The following GATA6 variants were observed in gnomAD, a reference collection of about 807,000 sequenced individuals.
GATA6 encodes the protein transcription factor GATA-6.
Under a neutral mutation model 48.1 loss-of-function variants are expected in GATA6, and 11 were observed. The ratio of observed to expected loss-of-function variants is 0.23; its 90% confidence interval spans 0.14 to 0.38. GATA6 has a LOEUF of 0.38. Ranked by LOEUF, GATA6 falls within the 10% of genes least tolerant of loss-of-function variation. GATA6 has a pLI of 1.00. For missense variants in GATA6, 795 were observed against 850.3 expected (o/e 0.93, Z 0.81); for synonymous variants, 419 against 396.1 (o/e 1.06, Z -0.69).
chr18:22,187,982 A>G (rs2033284148), intron 6 of GATA6, among the ~76,000 whole-genome samples: 1 of 152,202 alleles, frequency 6.6e-6, no homozygotes, highest in African/African-American at 2.4e-5. Context: ...CACGCCTGTA[A>G]TCCCAGTTCT....
chr18:22,180,688 T>TA (rs371803384), intron 3 of GATA6, among the ~76,000 whole-genome samples: 30 of 150,176 alleles, frequency 2.0e-4, no homozygotes, highest in Middle Eastern at 3.5e-3. Context: ...TTTTTTTTTT[T>TA]TAAAAAAAAC....
Position 22,172,145 on chromosome 18 carries a change from C to A in GATA6, c.1001C>A (p.Pro334Gln). The part of the protein sequence containing the change: ...HHHHHHHHHH[P>Q]SPYSPYVGAP... ...CACCACCACCACCACCACCACCATC[C>A]GAGCCCCTACTCGCCCTACGTGGGG... The change falls in exon 2 of 7, where the codon CCG becomes CAG. Residue 334 changes from proline to glutamine, a missense_variant. By Grantham distance (76) the Pro-to-Gln change is moderately conservative. Coordinates refer to ENST00000269216, the MANE Select transcript of GATA6 (RefSeq NM_005257.6). This position sits in a 1 kb window ranked among gnomAD's most constrained non-coding sequence, Gnocchi z 5.2. The A allele has an allele frequency of 5.2e-6, 8 of 1,530,266 alleles. No individual in the cohort carries two copies. Among genetic ancestry groups the A allele is most frequent in the Non-Finnish European group, 7.0e-6 (8 of 1,144,356 alleles). 94.8% of individuals were successfully genotyped at this position (1,530,266 alleles called of 1,614,324 possible).
Position 22,177,038 on chromosome 18 carries a change from G to T in GATA6, c.1219G>T (p.Gly407Cys). The change falls in exon 3 of 7, where the codon GGC becomes TGC. Residue 407 changes from glycine to cysteine, a missense_variant. By Grantham distance (159) the Gly-to-Cys change is radical. This residue lies in a region of GATA6 where 76 missense variants were observed against 113.1 expected (regional missense o/e 0.67). Coordinates refer to ENST00000269216, the MANE Select transcript of GATA6 (RefSeq NM_005257.6). ...GCCGCTGTGGCGGCGGGACGGCACCGGCCACTACCTGTGCAACGCCTGCGG... is the reference window on the plus strand; with the variant it reads ...GCCGCTGTGGCGGCGGGACGGCACCTGCCACTACCTGTGCAACGCCTGCGG... ...QTPLWRRDGT[G>C]HYLCNACGLY... The T allele has an allele frequency of 6.3e-7, 1 of 1,577,470 alleles. No homozygotes were observed. Among genetic ancestry groups the T allele is most frequent in the Non-Finnish European group, 8.6e-7 (1 of 1,163,558 alleles).
rs1295680214 is a variant in GATA6 at position 22,169,619 on chromosome 18, C to T, written c.-101C>T. 6.6e-6 allele frequency: 1 copy of T among 152,462 alleles called. No individual in the cohort carries two copies. The highest frequency in any genetic ancestry group is 1.5e-5 in the Non-Finnish European group (1 of 68,098). 9.4% of individuals were successfully genotyped at this position (152,462 alleles called of 1,614,324 possible). A position where few individuals can be genotyped will look rare whatever the true frequency, so the allele number is the denominator to read the frequency against. ...CGCGCTCGCCCGCTGGCGCCCTCGG[C>T]TTCTCTCCGCGCCTGGGAGCACCCT... On this transcript the variant is annotated 5_prime_UTR_variant, in exon 1 of 7. Coordinates refer to ENST00000269216, the MANE Select transcript of GATA6 (RefSeq NM_005257.6).
chr18:22,179,770 G>A (rs2033170465), intron 3 of GATA6, among the ~76,000 whole-genome samples: 1 of 152,190 alleles, frequency 6.6e-6, no homozygotes, highest in Admixed American at 6.5e-5. Flanking sequence ...GCTCTCCTGT[G>A]AGCCAAGCAT....
chr18:22,197,803 A>G (rs1039944627), intron 6 of GATA6, among the ~76,000 whole-genome samples: 3 of 143,312 alleles, frequency 2.1e-5, no homozygotes, highest in Admixed American at 7.4e-5. Context: ...CCTCCTTCTC[A>G]TACTCCTGTG....
chr18:22,177,211 C>T, intron 3 of GATA6, 90 bp downstream of exon 3: 2 of 1,264,102 alleles, frequency 1.6e-6, no homozygotes, highest in South Asian at 3.2e-5. Flanking sequence ...CTGCCTTGGG[C>T]GTCCCCCTCC....
intron 2 of GATA6, 99 bp from the exon 3 acceptor site, chr18:22,176,856 G>A: frequency 7.3e-7 from 1 of 1,374,354 alleles, no homozygotes; most frequent in Non-Finnish European, 9.6e-7. Context: ...GGGCAGGGAA[G>A]CCGGGCACCG....
Position 22,170,880 on chromosome 18 carries a change from C to G in GATA6, c.-37-228C>G. 1.8e-6 allele frequency: 1 copy of G among 553,170 alleles called. No individual in the cohort carries two copies. Among genetic ancestry groups the G allele is most frequent in the Non-Finnish European group, 3.2e-6 (1 of 310,532 alleles). The allele number at this position is 553,170 out of a possible 1,614,324, so 34.3% of individuals were successfully genotyped here. ...GGTGCCTTTGAGGGAGGGCTGGTAT[C>G]CCAGCCCTTCCAGGGCCCTGTGGCG... On this transcript the variant is annotated intron_variant, in intron 1 of 6. Transcript: ENST00000269216. This position sits in a 1 kb window ranked among gnomAD's most constrained non-coding sequence, Gnocchi z 6.7.
At chr18:22,176,295 C>T (rs2033120582) in intron 2 of GATA6, among the ~76,000 whole-genome samples, 1 of 152,146 alleles carries the variant, frequency 6.6e-6, no homozygotes, top group Non-Finnish European at 1.5e-5. Flanking sequence ...AAATAAAACT[C>T]TGTGCTTAAC....
chr18:22,201,115 A>G lies in GATA6; in HGVS notation c.*292A>G. On this transcript the variant is annotated 3_prime_UTR_variant, in exon 7 of 7. Coordinates refer to ENST00000269216, the MANE Select transcript of GATA6 (RefSeq NM_005257.6). Reference sequence around the variant, plus strand: ...GGACCTGGGCCTTGCCTGCTATGGAATATTGAGAGAGATTTTTTAAAAAAG... The same window carrying G: ...GGACCTGGGCCTTGCCTGCTATGGAGTATTGAGAGAGATTTTTTAAAAAAG... 2.3e-6 allele frequency: 1 copy of G among 443,062 alleles called. No individual in the cohort carries two copies. Among genetic ancestry groups the G allele is most frequent in the Non-Finnish European group, 4.0e-6 (1 of 247,074 alleles). 27.4% of individuals were successfully genotyped at this position (443,062 alleles called of 1,614,324 possible). A position where few individuals can be genotyped will look rare whatever the true frequency, so the allele number is the denominator to read the frequency against.
At chr18:22,180,740 C>T (rs1174153728) in intron 3 of GATA6, among the ~76,000 whole-genome samples, 1 of 151,460 alleles carries the variant, frequency 6.6e-6, no homozygotes, top group Non-Finnish European at 1.5e-5. Context: ...AATGTACTTT[C>T]AAAGTTTCCA....
chr18:22,190,915 C>T (rs939047276), intron 6 of GATA6, among the ~76,000 whole-genome samples: 2 of 152,124 alleles, frequency 1.3e-5, no homozygotes, highest in South Asian at 4.1e-4. Flanking sequence ...CCACATTGGC[C>T]TTTGCGTGAA....
In GATA6 at chr18:22,182,843, T is replaced by G. The variant is rs770405157; in HGVS notation, c.1515T>G (p.Ser505=). Residue 505 remains serine (S), a splice_region_variant and synonymous_variant, in exon 5 of 7, where the codon TCT becomes TCG. Coordinates refer to ENST00000269216, the MANE Select transcript of GATA6 (RefSeq NM_005257.6). The part of the protein sequence containing the change: ...PKNINKSKTC[S]GNSNNSIPMT... ...ACATAAATAAATCAAAGACTTGCTCTGGTAAATATACTAAAATGACGTTTG... is the reference window on the plus strand; with the variant it reads ...ACATAAATAAATCAAAGACTTGCTCGGGTAAATATACTAAAATGACGTTTG... 1.2e-6 allele frequency: 2 copies of G among 1,611,734 alleles called. No homozygotes were observed. The highest frequency in any genetic ancestry group is 3.3e-5 in the Admixed American group (2 of 60,020).
In GATA6 at chr18:22,185,858, T is replaced by C. The variant is rs1391845586; in HGVS notation, c.1620+2815T>C. On this transcript the variant is annotated intron_variant, in intron 6 of 6. Transcript: ENST00000269216. The surrounding 1 kb of genome is among the most constrained non-coding windows in gnomAD (Gnocchi z 4.3). The stretch of plus-strand genomic sequence containing the variant: ...GCCTTCATGTGTATGGCATGGCCCA[T>C]GTGGCTGCCGAGTAGCTGTGAAGAG... 2.0e-5 allele frequency among the ~76,000 whole-genome samples: 3 copies of C among 152,214 alleles called. No individual in the cohort carries two copies. Among genetic ancestry groups the C allele is most frequent in the African/African-American group, 7.2e-5 (3 of 41,448 alleles).
intron 6 of GATA6, among the ~76,000 whole-genome samples, chr18:22,189,459 C>T (rs2033302144): frequency 6.6e-6 from 1 of 152,116 alleles, no homozygotes; most frequent in African/African-American, 2.4e-5. Flanking sequence ...TTACACTCCA[C>T]TGTCTTTTTC....
rs745748080 is a variant in GATA6 at position 22,171,302 on chromosome 18, G to A, written c.158G>A (p.Gly53Asp). 2 of 1,591,094 alleles carry A rather than the reference G, an allele frequency of 1.3e-6. No homozygotes were observed. The highest frequency in any genetic ancestry group is 1.3e-5 in the African/African-American group (1 of 74,614). The change falls in exon 2 of 7, where the codon GGC (glycine) becomes GAC (aspartate). Residue 53 changes from glycine (G) to aspartate (D), a missense_variant. Around this residue, in one of 5 missense-constraint regions of GATA6, gnomAD observed 591 missense variants for 570.0 expected, o/e 1.04. Transcript: ENST00000269216. The surrounding 1 kb of genome is among the most constrained non-coding windows in gnomAD (Gnocchi z 7.1). ...TCCTGCTCCCGGGGCGGAGAGCGGG[G>A]CCCCGGCGGCGCCAGCAACTGCGGG... ...SSSCSRGGER[G>D]PGGASNCGTP... is the part of the protein sequence containing the mutation.
In GATA6 at chr18:22,171,708, C is replaced by T. The variant is rs1433151262; in HGVS notation, c.564C>T (p.Tyr188=). 1.7e-5 allele frequency: 25 copies of T among 1,495,296 alleles called. No individual in the cohort carries two copies. The highest frequency in any genetic ancestry group is 2.2e-4 in the Middle Eastern group (1 of 4,602). 92.6% of individuals were successfully genotyped at this position (1,495,296 alleles called of 1,614,324 possible). Residue 188 remains tyrosine (Y), a synonymous_variant, in exon 2 of 7, where the codon TAC becomes TAT. Coordinates refer to ENST00000269216, the MANE Select transcript of GATA6 (RefSeq NM_005257.6). This position sits in a 1 kb window ranked among gnomAD's most constrained non-coding sequence, Gnocchi z 7.1. The part of the protein sequence containing the change: ...AAAAAASSPV[Y]VPTTRVGSML... ...CGGCGGCGGCCAGCTCCCCGGTCTA[C>T]GTGCCCACCACCCGCGTGGGTTCCA...
At chr18:22,180,772 T>C (rs1216126314) in intron 3 of GATA6, among the ~76,000 whole-genome samples, 1 of 152,174 alleles carries the variant, frequency 6.6e-6, no homozygotes, top group Non-Finnish European at 1.5e-5. Context: ...TCAAAGTTTC[T>C]GGTTTACTCC....
Sources: allele counts gnomAD v4.1 joint callset (sites outside exome capture counted in the v4.1 genomes callset), GRCh38; gene constraint gnomAD v4.1.1; regional missense constraint gnomAD v4.1.1; non-coding constraint Gnocchi (gnomAD v3.1); transcripts MANE v1.5; gene names NCBI Gene and HGNC (gene_info 2026-07-23, HGNC 2026-07-21).